Variants in SEMA6D observed in about 807,000 individuals in gnomAD.
The protein encoded by SEMA6D is semaphorin 6D.
A neutral mutation model predicts 106.6 loss-of-function variants in SEMA6D; 35 were observed. That is an observed-to-expected ratio of 0.33 (90% CI 0.25 to 0.44). The LOEUF (loss-of-function observed/expected upper bound fraction) is 0.44, where lower values mean the gene tolerates loss of function less well. SEMA6D is among the 20% of genes least tolerant of loss of function. SEMA6D has a pLI of 1.00. For synonymous variants in SEMA6D, 499 were observed against 487.7 expected (o/e 1.02, Z -0.31); for missense variants, 1,185 against 1,345.9 (o/e 0.88, Z 1.87).
At chr15:47,244,688 T>C (rs1439590042) in intron 1 of SEMA6D, among the ~76,000 whole-genome samples, 1 of 152,158 alleles carries the variant, frequency 6.6e-6, no homozygotes, top group East Asian at 1.9e-4. Context: ...CAGCATTTTA[T>C]TTTTAATAAC....
At chr15:47,666,062 G>A (rs2078020939) in intron 4 of SEMA6D, among the ~76,000 whole-genome samples, 1 of 152,140 alleles carries the variant, frequency 6.6e-6, no homozygotes, top group Non-Finnish European at 1.5e-5. Context: ...CAATAATAAT[G>A]GATATCCCCA....
At chr15:47,194,507 A>C (rs1455516648) in intron 1 of SEMA6D, among the ~76,000 whole-genome samples, 1 of 152,124 alleles carries the variant, frequency 6.6e-6, no homozygotes, top group Non-Finnish European at 1.5e-5. Context: ...TTGGTAGTCC[A>C]GGCATTCAAG....
intron 2 of SEMA6D, among the ~76,000 whole-genome samples, chr15:47,440,813 T>C: frequency 6.6e-6 from 1 of 152,038 alleles, no homozygotes; most frequent in East Asian, 1.9e-4. Flanking sequence ...AATATATGCA[T>C]TCGAATAGTT....
At chr15:47,459,894 A>T (rs970820302) in intron 2 of SEMA6D, among the ~76,000 whole-genome samples, 1 of 152,060 alleles carries the variant, frequency 6.6e-6, no homozygotes, top group African/African-American at 2.4e-5. Context: ...TTCTACTTCA[A>T]TTTCCTAAAT....
rs1202914294 is a variant in SEMA6D at position 47,184,334 on chromosome 15, T to G, written c.-323T>G. The stretch of plus-strand genomic sequence containing the variant: ...GATAAGTGGAGTCCCTGCTCTGCGC[T>G]GCGCCAGCGCCTTCCGCCTGGGCCC... On this transcript the variant is annotated 5_prime_UTR_variant, in exon 1 of 20. Coordinates refer to the SEMA6D transcript ENST00000558014. The G allele has an allele frequency of 2.6e-5, 4 of 152,438 alleles. No homozygotes were observed. The East Asian group carries it at 7.7e-4, about 29-fold the overall frequency. 9.4% of individuals were successfully genotyped at this position (152,438 alleles called of 1,614,324 possible).
intron 1 of SEMA6D, among the ~76,000 whole-genome samples, chr15:47,386,318 G>A (rs1230536048): frequency 2.0e-5 from 3 of 152,120 alleles, no homozygotes; most frequent in Non-Finnish European, 4.4e-5. Flanking sequence ...TCTGAAGGGT[G>A]GAATTAAAAG....
At chr15:47,230,553 C>T (rs2032119670) in intron 1 of SEMA6D, among the ~76,000 whole-genome samples, 1 of 151,996 alleles carries the variant, frequency 6.6e-6, no homozygotes, top group Admixed American at 6.6e-5. Context: ...TCTTACTCTG[C>T]CTTCTCTATC....
At position 47,552,820 on chromosome 15, in the gene SEMA6D, ATATATATTTT is replaced by A. The variant is rs1437327311; in HGVS notation, c.-86-48037_-86-48028del. 1.0e-3 allele frequency among the ~76,000 whole-genome samples: 29 copies of A among 27,892 alleles called. 2 individuals are homozygous for A. The highest frequency in any genetic ancestry group is 5.4e-3 in the Admixed American group (6 of 1,118). 18.3% of individuals were successfully genotyped at this position (27,892 alleles called of 152,430 possible). On this transcript the variant is annotated intron_variant, in intron 3 of 19. Coordinates refer to the SEMA6D transcript ENST00000558014. ...TATATATATAAAAATATATATAAAT[ATATATATTTT>A]TATATATATATAAATATATATAAAT...
intron 2 of SEMA6D, among the ~76,000 whole-genome samples, chr15:47,459,527 T>A (rs1211122067): frequency 1.3e-5 from 2 of 152,008 alleles, no homozygotes; most frequent in Non-Finnish European, 2.9e-5. Context: ...GGTTTTGCAC[T>A]GGGTGGTGGT....
intron 3 of SEMA6D, among the ~76,000 whole-genome samples, chr15:47,473,880 T>C (rs1203013393): frequency 5.3e-5 from 8 of 152,032 alleles, no homozygotes; most frequent in African/African-American, 1.9e-4. Flanking sequence ...TATATTGTGA[T>C]GGTGGCTTTG....
At chr15:47,635,525 A>G (rs1283825780) in intron 4 of SEMA6D, among the ~76,000 whole-genome samples, 1 of 152,218 alleles carries the variant, frequency 6.6e-6, no homozygotes, top group East Asian at 1.9e-4. Context: ...TGTAATACAT[A>G]GGAAATTTAA....
intron 3 of SEMA6D, among the ~76,000 whole-genome samples, chr15:47,489,005 A>C (rs2043381740): frequency 6.6e-6 from 1 of 152,208 alleles, no homozygotes; most frequent in Admixed American, 6.5e-5. Context: ...CTGCAAGGGA[A>C]TATGAGCTTA....
intron 1 of SEMA6D, among the ~76,000 whole-genome samples, chr15:47,297,576 A>G (rs936998556): frequency 6.6e-6 from 1 of 152,168 alleles, no homozygotes; most frequent in Non-Finnish European, 1.5e-5. Context: ...ATTCATGTTT[A>G]CTCAATTCCA....
intron 1 of SEMA6D, among the ~76,000 whole-genome samples, chr15:47,263,759 A>G (rs965220291): frequency 6.6e-6 from 1 of 151,824 alleles, no homozygotes; most frequent in African/African-American, 2.4e-5. Context: ...TTATGGCCAC[A>G]TAGTATTCTG....
chr15:47,530,125 C>A (rs894868312), intron 3 of SEMA6D, among the ~76,000 whole-genome samples: 6 of 152,178 alleles, frequency 3.9e-5, no homozygotes, highest in African/African-American at 1.4e-4. Flanking sequence ...TGAGAAGATG[C>A]TCTTTTGATG....
rs142508878 is a variant in SEMA6D at position 47,521,066 on chromosome 15, G to A, written c.-87+50521G>A. On this transcript the variant is annotated intron_variant, in intron 3 of 19. Transcript: ENST00000558014. ...AAAGTAGAACTGCCTCCTCTCATAG[G>A]TGTTGGCTTGGAGGGCCTTGCTGAC... Among the ~76,000 whole-genome samples the A allele has an allele frequency of 6.2e-3, 939 of 152,282 alleles. 10 individuals carry two copies. The highest frequency in any genetic ancestry group is 0.021 in the African/African-American group (861 of 41,570).
intron 1 of SEMA6D, among the ~76,000 whole-genome samples, chr15:47,249,063 A>G (rs1490180126): frequency 2.6e-5 from 4 of 152,098 alleles, no homozygotes; most frequent in African/African-American, 9.7e-5. Flanking sequence ...CCCCATCTCT[A>G]CTAAAAATAC....
intron 1 of SEMA6D, among the ~76,000 whole-genome samples, chr15:47,720,523 G>C (rs577287537): frequency 3.3e-5 from 5 of 152,192 alleles, no homozygotes; most frequent in African/African-American, 1.2e-4. Flanking sequence ...TTAGAGTGAG[G>C]ACAACTTAGA....
intron 4 of SEMA6D, among the ~76,000 whole-genome samples, chr15:47,646,574 T>G (rs2077586032): frequency 6.6e-6 from 1 of 152,204 alleles, no homozygotes; most frequent in Non-Finnish European, 1.5e-5. Context: ...GGAAATGTTC[T>G]GGGGACAGTG....
Sources: allele counts gnomAD v4.1 joint callset (sites outside exome capture counted in the v4.1 genomes callset), GRCh38; gene constraint gnomAD v4.1.1; transcripts MANE v1.5; gene names NCBI Gene and HGNC (gene_info 2026-07-23, HGNC 2026-07-21).